Variants in PCDH9 observed in about 807,000 individuals in gnomAD.
The protein encoded by PCDH9 is protocadherin 9.
A neutral mutation model predicts 70.6 loss-of-function variants in PCDH9; 24 were observed. The observed-to-expected ratio is 0.34, with a 90% CI of 0.25 to 0.48. PCDH9 has a LOEUF of 0.48. Among genes scored for constraint, PCDH9 ranks in the 20% least tolerant of loss-of-function variants. The pLI is 0.99. For synonymous variants in PCDH9, 562 were observed against 558.5 expected (o/e 1.01, Z -0.09); for missense variants, 1,281 against 1,503.6 (o/e 0.85, Z 2.45).
In PCDH9 at chr13:67,002,741, T is replaced by G. The variant is rs1350189394; in HGVS notation, c.3037-99136A>C. 4.6e-5 allele frequency among the ~76,000 whole-genome samples: 7 copies of G among 152,204 alleles called. No individual in the cohort carries two copies. In the East Asian group the frequency reaches 1.4e-3, roughly 29 times the overall value. On this transcript the variant is annotated intron_variant, in intron 2 of 4. Coordinates refer to ENST00000377865, the MANE Select transcript of PCDH9 (RefSeq NM_203487.3). Reference sequence around the variant, plus strand: ...TGAACTTCTTTTTTTCCTGTAAATTTGCCATCCAACTCTACTTTTAATTAA... The same window carrying G: ...TGAACTTCTTTTTTTCCTGTAAATTGGCCATCCAACTCTACTTTTAATTAA...
chr13:66,980,086 A>ATCTG (rs979251017), intron 2 of PCDH9, among the ~76,000 whole-genome samples: 1 of 130,154 alleles, frequency 7.7e-6, no homozygotes, highest in East Asian at 2.0e-4. Flanking sequence ...ATCTCTATCT[A>ATCTG]TCTATCTATC....
intron 3 of PCDH9, among the ~76,000 whole-genome samples, chr13:66,798,281 G>T (rs145735070): frequency 6.6e-6 from 1 of 152,128 alleles, no homozygotes; most frequent in East Asian, 1.9e-4. Context: ...ATTAAATGCC[G>T]TAAATAATTT....
intron 3 of PCDH9, among the ~76,000 whole-genome samples, chr13:66,779,866 T>TATATATATATATATATATATATATATAC (rs1336725254): frequency 4.2e-5 from 3 of 71,736 alleles, no homozygotes; most frequent in African/African-American, 1.4e-4. Flanking sequence ...TATATATATA[T>TATATATATATATATATATATATATATAC]ACATATATGT....
intron 3 of PCDH9, among the ~76,000 whole-genome samples, chr13:66,775,904 C>T (rs1008336189): frequency 1.3e-5 from 2 of 152,002 alleles, no homozygotes; most frequent in Non-Finnish European, 2.9e-5. Flanking sequence ...GGAATAGATC[C>T]AAGCCTTTCC....
intron 3 of PCDH9, among the ~76,000 whole-genome samples, chr13:66,832,718 G>A (rs949892221): frequency 6.6e-5 from 10 of 152,014 alleles, no homozygotes; most frequent in South Asian, 2.1e-4. Flanking sequence ...ATATTTTTCC[G>A]TGATTGGAAT....
At chr13:66,701,633 T>A (rs2078649649) in intron 3 of PCDH9, among the ~76,000 whole-genome samples, 1 of 152,192 alleles carries the variant, frequency 6.6e-6, no homozygotes, top group Non-Finnish European at 1.5e-5. Flanking sequence ...TCACAAGGCT[T>A]CATCAACAAC....
intron 3 of PCDH9, among the ~76,000 whole-genome samples, chr13:66,657,438 T>G (rs146638801): frequency 2.0e-4 from 30 of 152,270 alleles, no homozygotes; most frequent in African/African-American, 6.5e-4. Context: ...GAATGCCAAA[T>G]GGAGAACAAA....
At chr13:66,897,778 T>C (rs1488522535) in intron 3 of PCDH9, among the ~76,000 whole-genome samples, 1 of 152,156 alleles carries the variant, frequency 6.6e-6, no homozygotes, top group Non-Finnish European at 1.5e-5. Context: ...TTTTAATGAT[T>C]TTTTTGAAAA....
intron 4 of PCDH9, among the ~76,000 whole-genome samples, chr13:66,435,312 C>G (rs1018275426): frequency 1.3e-5 from 2 of 152,050 alleles, no homozygotes; most frequent in Admixed American, 1.3e-4. Flanking sequence ...ATATGACTCC[C>G]TTATCATTAA....
intron 2 of PCDH9, among the ~76,000 whole-genome samples, chr13:67,140,035 CCCCG>C (rs1212495806): frequency 1.0e-4 from 13 of 128,974 alleles, no homozygotes; most frequent in African/African-American, 3.7e-4. Context: ...ACCCCCCCCC[CCCCG>C]CCCATTGTGT....
At chr13:66,799,264 G>A (rs927158036) in intron 3 of PCDH9, among the ~76,000 whole-genome samples, 3 of 152,138 alleles carry the variant, frequency 2.0e-5, no homozygotes, top group African/African-American at 4.8e-5. Context: ...TAGTCTATGC[G>A]GTCAAGTGGT....
intron 4 of PCDH9, among the ~76,000 whole-genome samples, chr13:66,614,978 A>C (rs2077338298): frequency 6.6e-6 from 1 of 152,206 alleles, no homozygotes; most frequent in Non-Finnish European, 1.5e-5. Context: ...GGAAGGAGGC[A>C]GTACCTTGTG....
chr13:66,700,666 A>G (rs1231214251), intron 3 of PCDH9, among the ~76,000 whole-genome samples: 2 of 152,010 alleles, frequency 1.3e-5, no homozygotes, highest in African/African-American at 4.8e-5. Flanking sequence ...GTTCTTTATA[A>G]ATCAGGACGA....
At chr13:67,183,316 G>T (rs1322010554) in intron 2 of PCDH9, among the ~76,000 whole-genome samples, 3 of 152,094 alleles carry the variant, frequency 2.0e-5, no homozygotes, top group Non-Finnish European at 4.4e-5. Context: ...TGGAATTTGG[G>T]GTAGTGTAGG....
intron 4 of PCDH9, among the ~76,000 whole-genome samples, chr13:66,380,227 T>C (rs182826509): frequency 6.6e-6 from 1 of 152,298 alleles, no homozygotes; most frequent in East Asian, 1.9e-4. Flanking sequence ...ATAGACATGA[T>C]AATTAGCTTC....
chr13:67,043,489 C>A (rs1170623201), intron 2 of PCDH9, among the ~76,000 whole-genome samples: 3 of 151,642 alleles, frequency 2.0e-5, no homozygotes, highest in Non-Finnish European at 2.9e-5. Flanking sequence ...GATGGTGATG[C>A]CAAATACAGG....
chr13:66,785,552 A>T (rs1016051304), intron 3 of PCDH9, among the ~76,000 whole-genome samples: 1 of 152,050 alleles, frequency 6.6e-6, no homozygotes, highest in Non-Finnish European at 1.5e-5. Flanking sequence ...ATATATATTG[A>T]TCAAAACAAG....
chr13:66,624,963 T>TGGAG (rs111940763), intron 4 of PCDH9, among the ~76,000 whole-genome samples: 4 of 152,046 alleles, frequency 2.6e-5, no homozygotes, highest in Non-Finnish European at 5.9e-5. Context: ...CGTAAAAAAA[T>TGGAG]AGCCTAATGT....
chr13:66,887,075 A>C (rs1187565293), intron 3 of PCDH9, among the ~76,000 whole-genome samples: 3 of 124,848 alleles, frequency 2.4e-5, no homozygotes, highest in African/African-American at 6.1e-5. Context: ...ACACACACAC[A>C]CACCCTGTAT....
Sources: gnomAD v4.1 joint callset for allele counts (sites outside exome capture counted in the v4.1 genomes callset) on GRCh38, gnomAD v4.1.1 for gene constraint, MANE v1.5 for transcripts, NCBI Gene and HGNC (gene_info 2026-07-23, HGNC 2026-07-21) for gene names.